Variants in IL16 observed in about 807,000 individuals in gnomAD.
The protein encoded by IL16 is interleukin 16.
Under a neutral mutation model 110.1 loss-of-function variants are expected in IL16, and 67 were observed. The ratio of observed to expected loss-of-function variants is 0.61; its 90% confidence interval spans 0.50 to 0.75. The LOEUF (loss-of-function observed/expected upper bound fraction) is 0.75, where lower values mean the gene tolerates loss of function less well. IL16 is among the 30% of genes least tolerant of loss of function. The pLI, the probability that IL16 is intolerant of heterozygous loss-of-function variation, is 0.00. For synonymous variants in IL16, 689 were observed against 662.9 expected, an observed-to-expected ratio of 1.04 and a Z score of -0.61; for missense variants, 1,545 against 1,655.0, an observed-to-expected ratio of 0.93 and a Z score of 1.15.
chr15:81,273,289 A>G, intron 6 of IL16, 85 bp downstream of exon 6: 1 of 988,986 alleles, frequency 1.0e-6, no homozygotes, highest in Non-Finnish European at 1.5e-6. Context: ...GATGTTGGGA[A>G]TGCAAAATGT....
At chr15:81,192,025 G>A (rs1895505491), upstream of IL16, among the ~76,000 whole-genome samples, 1 of 152,204 alleles carries the variant, frequency 6.6e-6, no homozygotes, top group African/African-American at 2.4e-5. Flanking sequence ...ATATCTCTCT[G>A]TCTGATACTA....
intron 3 of IL16, among the ~76,000 whole-genome samples, chr15:81,263,356 G>GT (rs35967550): frequency 0.025 from 3,175 of 126,780 alleles, 66 homozygotes; most frequent in African/African-American, 0.05. Flanking sequence ...ATTTTTTTTT[G>GT]TTTTTTTTTT....
In IL16 at chr15:81,282,640, GGCC is replaced by G; in HGVS notation, c.1085_1087del (p.Ala362del). On this transcript the variant is annotated inframe_deletion and splice_region_variant, in exon 9 of 19. Transcript: ENST00000683961. ...CACCCCGCCCTGTTCTGCTTCCAGA[GGCC>G]GGCGTGGGCCTGGGCATCGGCCTGT... 6.2e-7 allele frequency: 1 copy of G among 1,611,640 alleles called. No homozygotes were observed. The highest frequency in any genetic ancestry group is 1.1e-5 in the South Asian group (1 of 91,064).
intron 2 of IL16, among the ~76,000 whole-genome samples, chr15:81,250,351 T>A (rs1012478190): frequency 6.6e-6 from 1 of 152,266 alleles, no homozygotes; most frequent in African/African-American, 2.4e-5. Context: ...ATTTCTTTTT[T>A]ATTTTAAATA....
intron 13 of IL16, among the ~76,000 whole-genome samples, chr15:81,298,416 CATGCAGATATG>C (rs1218694370): frequency 2.6e-5 from 4 of 152,228 alleles, no homozygotes; most frequent in South Asian, 4.1e-4. Context: ...CTCCCTTACC[CATGCAGATATG>C]ATGCTGGTTC....
chr15:81,203,536 A>C (rs1895899857), intron 1 of IL16, among the ~76,000 whole-genome samples: 1 of 151,596 alleles, frequency 6.6e-6, no homozygotes. Context: ...AGCTTTCTAC[A>C]TATGGCTAGC....
chr15:81,269,516 C>T, intron 4 of IL16, 22 bp from the exon 5 acceptor site: 1 of 1,556,524 alleles, frequency 6.4e-7, no homozygotes, highest in Non-Finnish European at 8.9e-7. Context: ...AATCTTCTGC[C>T]TACTCTGGTT....
chr15:81,281,187 A>C (rs1334634359), intron 8 of IL16, among the ~76,000 whole-genome samples: 1 of 152,366 alleles, frequency 6.6e-6, no homozygotes, highest in East Asian at 1.9e-4. Context: ...GGGATTGCCA[A>C]CAATTGTCAC....
At chr15:81,234,786 A>G (rs1284897975) in intron 2 of IL16, among the ~76,000 whole-genome samples, 5 of 152,232 alleles carry the variant, frequency 3.3e-5, no homozygotes, top group Admixed American at 3.3e-4. Flanking sequence ...CATGAGATCT[A>G]CATGTTAAGT....
At chr15:81,236,431 G>A (rs1897177951) in intron 2 of IL16, among the ~76,000 whole-genome samples, 1 of 152,196 alleles carries the variant, frequency 6.6e-6, no homozygotes, top group African/African-American at 2.4e-5. Flanking sequence ...GGATGAGCAG[G>A]GAGGCAAGGG....
At position 81,301,321 on chromosome 15, in the gene IL16, T is replaced by C. The variant is rs749529998; in HGVS notation, c.3150-23T>C. ...CTTTTTAATATTGTTGTTCATACTG[T>C]GTGTTGTTTCTCCTTATGAAAGCCT... On this transcript the variant is annotated intron_variant, in intron 14 of 18. Transcript: ENST00000683961. The C allele has an allele frequency of 1.9e-6, 3 of 1,584,662 alleles. No individual in the cohort carries two copies. The Admixed American group carries it at 5.7e-5, about 30-fold the overall frequency.
Position 81,299,868 on chromosome 15 carries a change from A to G in IL16, c.2542A>G (p.Thr848Ala). The G allele has an allele frequency of 6.2e-7, 1 of 1,613,322 alleles. No homozygotes were observed. Among genetic ancestry groups the G allele is most frequent in the Non-Finnish European group, 8.5e-7 (1 of 1,179,920 alleles). The change falls in exon 14 of 19, where the codon ACC becomes GCC. Residue 848 changes from threonine (T) to alanine (A), a missense_variant. Physicochemically the swap from Thr to Ala is moderately conservative, Grantham distance 58. Transcript: ENST00000683961. ...SIRQRISSFE[T>A]FGSSQLPDKG... The stretch of plus-strand genomic sequence containing the variant: ...CAGGCAGAGAATCAGCTCCTTTGAA[A>G]CCTTTGGCTCCTCTCAACTGCCTGA...
rs539995354 is a variant in IL16 at position 81,299,558 on chromosome 15, G to C, written c.2232G>C (p.Leu744=). 1.9e-6 allele frequency: 3 copies of C among 1,614,178 alleles called. No individual in the cohort carries two copies. Among genetic ancestry groups the C allele is most frequent in the Admixed American group, 1.7e-5 (1 of 60,026 alleles). The stretch of plus-strand genomic sequence containing the variant: ...TGCCTCTACAGCCCAATGCCAGCCT[G>C]AATGAAGAAGAAGGGACACAGGGCC... ...GHMPLQPNAS[L]NEEEGTQGHP... Residue 744 remains leucine, a synonymous_variant, in exon 14 of 19, where the codon CTG becomes CTC. Coordinates refer to ENST00000683961, the MANE Select transcript of IL16 (RefSeq NM_172217.5).
At chr15:81,267,999 A>C (rs528079987) in intron 4 of IL16, among the ~76,000 whole-genome samples, 1 of 152,376 alleles carries the variant, frequency 6.6e-6, no homozygotes, top group East Asian at 1.9e-4. Context: ...ACAGAAAATT[A>C]ACCACCACGG....
intron 2 of IL16, among the ~76,000 whole-genome samples, chr15:81,235,272 A>G (rs1003688485): frequency 6.6e-6 from 1 of 152,200 alleles, no homozygotes; most frequent in African/African-American, 2.4e-5. Flanking sequence ...TTGGCTTACC[A>G]TTCTGCAAGC....
intron 10 of IL16, among the ~76,000 whole-genome samples, chr15:81,287,984 T>C (rs937257270): frequency 6.6e-6 from 1 of 152,196 alleles, no homozygotes; most frequent in African/African-American, 2.4e-5. Flanking sequence ...GGGCGTCAGG[T>C]TGTGGGCAAA....
In IL16 at chr15:81,308,846, C is replaced by A; in HGVS notation, c.*48C>A. ...CCAATAACACACAGCTAACACACAG[C>A]TCCCATAACCGCTGATTCTCAGGGT... On this transcript the variant is annotated 3_prime_UTR_variant, in exon 19 of 19. Coordinates refer to ENST00000683961, the MANE Select transcript of IL16 (RefSeq NM_172217.5). 2 of 1,478,740 alleles carry A rather than the reference C, an allele frequency of 1.4e-6. No homozygotes were observed. Among genetic ancestry groups the A allele is most frequent in the Non-Finnish European group, 1.8e-6 (2 of 1,083,094 alleles). 91.6% of individuals were successfully genotyped at this position (1,478,740 alleles called of 1,614,324 possible). A position where few individuals can be genotyped will look rare whatever the true frequency, so the allele number is the denominator to read the frequency against.
chr15:81,240,927 T>A (rs1217805910), intron 2 of IL16, among the ~76,000 whole-genome samples: 1 of 152,174 alleles, frequency 6.6e-6, no homozygotes, highest in Non-Finnish European at 1.5e-5. Flanking sequence ...CTTCTAAACA[T>A]CTTAGAGTTT....
chr15:81,259,067 G>A (rs1898059023), intron 2 of IL16, among the ~76,000 whole-genome samples: 1 of 152,006 alleles, frequency 6.6e-6, no homozygotes, highest in East Asian at 1.9e-4. Flanking sequence ...GGTAGAAAAA[G>A]GATAAGAGAA....
Sources: gnomAD v4.1 joint callset for allele counts (sites outside exome capture counted in the v4.1 genomes callset) on GRCh38, gnomAD v4.1.1 for gene constraint, MANE v1.5 for transcripts, NCBI Gene and HGNC (gene_info 2026-07-23, HGNC 2026-07-21) for gene names.